Variants in PPP2R2C observed in about 807,000 individuals in gnomAD.
PPP2R2C encodes the protein protein phosphatase 2 regulatory subunit Bgamma, also known as protein phosphatase 2, regulatory subunit B, gamma.
PPP2R2C carries 10 observed loss-of-function variants against 45.3 expected under a neutral mutation model. The observed-to-expected ratio is 0.22, with a 90% confidence interval of 0.14 to 0.37. The LOEUF (loss-of-function observed/expected upper bound fraction) is 0.37. Among genes scored for constraint, PPP2R2C ranks in the 10% least tolerant of loss-of-function variants. The pLI is 1.00. For synonymous variants in PPP2R2C, 257 were observed against 245.4 expected, an observed-to-expected ratio of 1.05 and a Z score of -0.44; for missense variants, 308 against 619.7, an observed-to-expected ratio of 0.50 and a Z score of 5.34.
chr4:6,381,495 C>G, intron 1 of PPP2R2C: 1 of 1,375,282 alleles, frequency 7.3e-7, no homozygotes, highest in Non-Finnish European at 9.4e-7. Flanking sequence ...CAACCTGGGT[C>G]AGGGAAGCCC....
chr4:6,499,379 C>A (rs144269555), intron 2 of PPP2R2C, among the ~76,000 whole-genome samples: 1 of 152,320 alleles, frequency 6.6e-6, no homozygotes, highest in Non-Finnish European at 1.5e-5. Context: ...CCATCCTTCT[C>A]TCCCTTCGGC....
At chr4:6,461,387 T>C (rs1242681084) in intron 1 of PPP2R2C, among the ~76,000 whole-genome samples, 1 of 152,146 alleles carries the variant, frequency 6.6e-6, no homozygotes, top group Non-Finnish European at 1.5e-5. Context: ...GAGTAGCCAC[T>C]GGGCTGCCCA....
rs1732243552 is a variant in PPP2R2C, at chr4:6,329,612, G to T, written c.961-259C>A. 7.5e-6 allele frequency among the ~76,000 whole-genome samples: 1 copy of T among 132,498 alleles called. No homozygotes were observed. Among genetic ancestry groups the T allele is most frequent in the African/African-American group, 4.3e-5 (1 of 23,360 alleles). 86.9% of individuals were successfully genotyped at this position (132,498 alleles called of 152,430 possible). On this transcript the variant is annotated intron_variant, in intron 7 of 8. Transcript: ENST00000382599. This position sits in a 1 kb window ranked among gnomAD's most constrained non-coding sequence, Gnocchi z 5.8. ...TACAGCCCTGCTCATCTTATCGGGG[G>T]GCCCACGACCAGGCACACGGCTGAC...
chr4:6,523,544 G>C (rs945017811), intron 2 of PPP2R2C: 1 of 152,252 alleles, frequency 6.6e-6, no homozygotes. Flanking sequence ...ACACCCACGA[G>C]GATGTCTGGA....
intron 6 of PPP2R2C, among the ~76,000 whole-genome samples, chr4:6,337,425 G>GT (rs1286531671): frequency 6.6e-6 from 1 of 151,974 alleles, no homozygotes; most frequent in African/African-American, 2.4e-5. Flanking sequence ...ACCTGCCCAG[G>GT]TGAGTGGCGG....
At chr4:6,398,237 C>CA (rs1168144279) in intron 1 of PPP2R2C, among the ~76,000 whole-genome samples, 5 of 151,642 alleles carry the variant, frequency 3.3e-5, no homozygotes, top group Non-Finnish European at 5.9e-5. Context: ...TGAAAAACAA[C>CA]AAAAAATGGA....
intron 1 of PPP2R2C, chr4:6,381,394 C>T (rs936060662): frequency 2.3e-5 from 33 of 1,447,414 alleles, no homozygotes; most frequent in Middle Eastern, 1.8e-4. Context: ...ATGGGACTCA[C>T]GGTGGTATCT....
At chr4:6,553,537 C>A (rs1368612285) in intron 1 of PPP2R2C, among the ~76,000 whole-genome samples, 1 of 152,202 alleles carries the variant, frequency 6.6e-6, no homozygotes, top group Non-Finnish European at 1.5e-5. Flanking sequence ...ACACTGTCCA[C>A]CACAGGTAGC....
chr4:6,348,861 C>A, intron 5 of PPP2R2C: 1 of 650,938 alleles, frequency 1.5e-6, no homozygotes, highest in Non-Finnish European at 1.9e-6. Flanking sequence ...AATGTGGGAG[C>A]CAATAAATGT....
intron 2 of PPP2R2C, among the ~76,000 whole-genome samples, chr4:6,500,307 C>A (rs1201012437): frequency 6.6e-6 from 1 of 152,112 alleles, no homozygotes; most frequent in Middle Eastern, 3.2e-3. Flanking sequence ...ACCACCATAC[C>A]CAGATGATCT....
intron 1 of PPP2R2C, among the ~76,000 whole-genome samples, chr4:6,551,586 C>T (rs1002106857): frequency 1.3e-5 from 2 of 152,218 alleles, no homozygotes; most frequent in East Asian, 3.8e-4. Flanking sequence ...AGCTGGGCAT[C>T]AAAGGCCACA....
At chr4:6,327,638 G>A (rs911159622) in intron 8 of PPP2R2C, among the ~76,000 whole-genome samples, 1 of 152,236 alleles carries the variant, frequency 6.6e-6, no homozygotes, top group African/African-American at 2.4e-5. Context: ...AGCAGCATGG[G>A]AGGAGCCCTG....
At chr4:6,437,682 C>T (rs1406477686) in intron 1 of PPP2R2C, among the ~76,000 whole-genome samples, 1 of 152,200 alleles carries the variant, frequency 6.6e-6, no homozygotes, top group Non-Finnish European at 1.5e-5. Flanking sequence ...AGGAAAGGTA[C>T]AGCGGCCAAC....
intron 1 of PPP2R2C, among the ~76,000 whole-genome samples, chr4:6,546,614 C>G (rs73796248): frequency 0.026 from 3,988 of 152,282 alleles, 151 homozygotes; most frequent in African/African-American, 0.082. Context: ...TCTTTCCAAC[C>G]TCAGGGATGC....
chr4:6,355,861 G>A (rs1468805168), intron 5 of PPP2R2C, among the ~76,000 whole-genome samples: 1 of 151,988 alleles, frequency 6.6e-6, no homozygotes, highest in Non-Finnish European at 1.5e-5. Context: ...GGGCGTGGTA[G>A]TGGGCACCTG....
At chr4:6,464,236 GTGTT>G (rs1241159418) in intron 1 of PPP2R2C, among the ~76,000 whole-genome samples, 2 of 152,218 alleles carry the variant, frequency 1.3e-5, no homozygotes, top group Non-Finnish European at 2.9e-5. Flanking sequence ...AATGGCTATT[GTGTT>G]TGTTTTGTAA....
intron 1 of PPP2R2C, among the ~76,000 whole-genome samples, chr4:6,448,109 C>T (rs1393362907): frequency 6.6e-6 from 1 of 152,182 alleles, no homozygotes; most frequent in African/African-American, 2.4e-5. Flanking sequence ...CTTCCAGAGA[C>T]CACCTGAGGG....
In PPP2R2C at chr4:6,328,020, G is replaced by C. The variant is rs181193874; in HGVS notation, c.1052+1242C>G. On this transcript the variant is annotated intron_variant, in intron 8 of 8. Transcript: ENST00000382599. The surrounding 1 kb of genome is among the most constrained non-coding windows in gnomAD (Gnocchi z 4.4). ...CCAACCCTGATGGTCCCAGCCCTAT[G>C]CCCAGAGCCACAGAGAGTCATAGTG... 6.6e-6 allele frequency among the ~76,000 whole-genome samples: 1 copy of C among 152,120 alleles called. No individual in the cohort carries two copies. Among genetic ancestry groups the C allele is most frequent in the African/African-American group, 2.4e-5 (1 of 41,428 alleles).
intron 1 of PPP2R2C, among the ~76,000 whole-genome samples, chr4:6,410,453 C>T (rs1305703057): frequency 6.6e-6 from 1 of 152,138 alleles, no homozygotes; most frequent in Non-Finnish European, 1.5e-5. Flanking sequence ...AGAGCAGAGA[C>T]CCCATGCACC....
Sources: allele counts gnomAD v4.1 joint callset (sites outside exome capture counted in the v4.1 genomes callset), GRCh38; gene constraint gnomAD v4.1.1; non-coding constraint Gnocchi (gnomAD v3.1); transcripts MANE v1.5; gene names NCBI Gene and HGNC (gene_info 2026-07-23, HGNC 2026-07-21).